Variants in SV2B observed in about 807,000 individuals in gnomAD.
SV2B encodes solute carrier family 22 member B2.
SV2B carries 41 observed loss-of-function variants against 73.9 expected under a neutral mutation model. The observed-to-expected ratio is 0.56, with a 90% CI of 0.43 to 0.72. The LOEUF (loss-of-function observed/expected upper bound fraction) is 0.72, where lower values mean the gene tolerates loss of function less well. Ranked by LOEUF, SV2B falls within the 30% of genes least tolerant of loss-of-function variation. SV2B has a pLI of 0.00. For missense variants in SV2B, 764 were observed against 857.8 expected (o/e 0.89, Z 1.37); for synonymous variants, 314 against 314.2 (o/e 1.00, Z 0.01).
At chr15:91,111,753 C>T (rs565767167) in intron 1 of SV2B, among the ~76,000 whole-genome samples, 1 of 152,222 alleles carries the variant, frequency 6.6e-6, no homozygotes, top group South Asian at 2.1e-4. Flanking sequence ...GCTCATGGTT[C>T]TGCAGGCTAC....
rs1435842436 is a variant in SV2B, at chr15:91,300,137, T to C, written c.*7585T>C. 1 of 152,224 alleles carries C rather than the reference T, an allele frequency of 6.6e-6. No homozygotes were observed. The highest frequency in any genetic ancestry group is 1.5e-5 in the Non-Finnish European group (1 of 68,044). The allele number at this position is 152,224 out of a possible 1,614,324, so 9.4% of individuals were successfully genotyped here. ...TAGAAAGACATTTTAAAGTTTGAAA[T>C]ATGTGCTAAGTAGTTAGAGATTTGG... On this transcript the variant is annotated 3_prime_UTR_variant, in exon 13 of 13. Coordinates refer to ENST00000394232, the MANE Select transcript of SV2B (RefSeq NM_001323032.3).
chr15:91,198,687 A>T (rs139110646), intron 1 of SV2B, among the ~76,000 whole-genome samples: 2 of 152,368 alleles, frequency 1.3e-5, no homozygotes, highest in African/African-American at 4.8e-5. Context: ...GGGGAATGGG[A>T]GGGGTAACCC....
At chr15:91,285,385 G>A (rs1050252329) in intron 11 of SV2B, among the ~76,000 whole-genome samples, 5 of 152,292 alleles carry the variant, frequency 3.3e-5, no homozygotes, top group African/African-American at 7.2e-5. Context: ...TGGCTTACTC[G>A]TCCATAACCC....
rs78956241 is a variant in SV2B, at chr15:91,128,982, T to C, written c.-392+28619T>C. Among the ~76,000 whole-genome samples, 3,102 of 152,348 alleles carry C rather than the reference T, an allele frequency of 0.02. 99 individuals are homozygous for C. Among genetic ancestry groups the C allele is most frequent in the African/African-American group, 0.072 (2,977 of 41,570 alleles). On this transcript the variant is annotated intron_variant, in intron 1 of 12. Transcript: ENST00000394232. This position sits in a 1 kb window ranked among gnomAD's most constrained non-coding sequence, Gnocchi z 4.2. ...AAGGCTCCCGTGGATACACGTCAAA[T>C]AAAGTTGTATGCCTGCCTTCCAATT... is the stretch of plus-strand genomic sequence containing the variant.
At chr15:91,161,474 A>G in intron 1 of SV2B, among the ~76,000 whole-genome samples, 1 of 152,254 alleles carries the variant, frequency 6.6e-6, no homozygotes, top group East Asian at 1.9e-4. Context: ...AAAAGATTTT[A>G]AAATGTAACA....
At chr15:91,157,656 G>A (rs1470593690) in intron 1 of SV2B, among the ~76,000 whole-genome samples, 1 of 152,198 alleles carries the variant, frequency 6.6e-6, no homozygotes, top group African/African-American at 2.4e-5. Flanking sequence ...TAGAGAGGGA[G>A]GGGAGAACTG....
At position 91,289,454 on chromosome 15, in the gene SV2B, TGTGA is replaced by T; in HGVS notation, c.1709-62_1709-59del. The T allele has an allele frequency of 1.9e-6, 3 of 1,604,892 alleles. No individual in the cohort carries two copies. The Admixed American group carries it at 5.0e-5, about 27-fold the overall frequency. On this transcript the variant is annotated intron_variant, in intron 11 of 12. Transcript: ENST00000394232. The surrounding 1 kb of genome is among the most constrained non-coding windows in gnomAD (Gnocchi z 4.9). ...TGAGGGTGGGAGATGGGGCAAGAAC[TGTGA>T]GTGACAGCCATGTGCAAGACACAGG...
intron 1 of SV2B, among the ~76,000 whole-genome samples, chr15:91,135,767 G>A (rs1352359947): frequency 6.6e-6 from 1 of 152,228 alleles, no homozygotes; most frequent in East Asian, 1.9e-4. Flanking sequence ...GCTTTGTGAA[G>A]TTTGGGGTAT....
At chr15:91,201,868 C>G (rs895310790) in intron 1 of SV2B, among the ~76,000 whole-genome samples, 1 of 152,190 alleles carries the variant, frequency 6.6e-6, no homozygotes, top group Non-Finnish European at 1.5e-5. Context: ...CCTATTTGGG[C>G]TCCCTGCCTC....
chr15:91,162,063 A>G (rs1182853897), intron 1 of SV2B, among the ~76,000 whole-genome samples: 1 of 152,204 alleles, frequency 6.6e-6, no homozygotes, highest in Non-Finnish European at 1.5e-5. Context: ...ACAATGAATT[A>G]CCTTTTTTTT....
chr15:91,200,481 C>G (rs1442065322), intron 1 of SV2B, among the ~76,000 whole-genome samples: 2 of 152,108 alleles, frequency 1.3e-5, no homozygotes, highest in Non-Finnish European at 2.9e-5. Context: ...TGAGTGGTGG[C>G]TGTAAAGAGT....
Position 91,252,310 on chromosome 15 carries a change from G to A in SV2B, c.633-59G>A, listed in dbSNP as rs1341755085. On this transcript the variant is annotated intron_variant, in intron 3 of 12. Transcript: ENST00000394232. The surrounding 1 kb of genome is among the most constrained non-coding windows in gnomAD (Gnocchi z 4.6). ...GTGGGGTATAGGCAACTTGGTTTCT[G>A]CTGTGACCATTTTTAGTGTATGACT... 15 of 1,553,948 alleles carry A rather than the reference G, an allele frequency of 9.7e-6. No individual in the cohort carries two copies. The highest frequency in any genetic ancestry group is 1.3e-5 in the Non-Finnish European group (15 of 1,147,850).
intron 1 of SV2B, among the ~76,000 whole-genome samples, chr15:91,154,992 C>T (rs1426956958): frequency 6.6e-6 from 1 of 152,130 alleles, no homozygotes; most frequent in East Asian, 1.9e-4. Context: ...ACTGAGGTCT[C>T]TGCCTTTCTG....
chr15:91,241,247 T>G lies in SV2B; in HGVS notation c.452-10572T>G, dbSNP rs1005141. Reference sequence around the variant, plus strand: ...CTGAGCTTAATGTCCATGTCCATAATCACAGTCACTTTCTGTGCGCATCAC... The same window carrying G: ...CTGAGCTTAATGTCCATGTCCATAAGCACAGTCACTTTCTGTGCGCATCAC... On this transcript the variant is annotated intron_variant, in intron 2 of 12. Coordinates refer to ENST00000394232, the MANE Select transcript of SV2B (RefSeq NM_001323032.3). This position sits in a 1 kb window ranked among gnomAD's most constrained non-coding sequence, Gnocchi z 4.8. Among the ~76,000 whole-genome samples the G allele has an allele frequency of 0.34, 52,339 of 152,052 alleles. 10,662 individuals are homozygous for G. Among genetic ancestry groups the G allele is most frequent in the African/African-American group, 0.58 (23,856 of 41,444 alleles).
At chr15:91,238,869 C>T (rs926121499) in intron 2 of SV2B, among the ~76,000 whole-genome samples, 16 of 152,124 alleles carry the variant, frequency 1.1e-4, no homozygotes, top group African/African-American at 1.7e-4. Flanking sequence ...GCATCCCTTC[C>T]GCCAGCAACC....
chr15:91,278,549 G>C (rs1160872581), intron 9 of SV2B, among the ~76,000 whole-genome samples: 12 of 148,818 alleles, frequency 8.1e-5, no homozygotes, highest in African/African-American at 2.8e-4. Context: ...CGCGGTGGCG[G>C]GTGCCTGTAG....
chr15:91,276,651 GTTTC>G (rs2048498303), intron 9 of SV2B, among the ~76,000 whole-genome samples: 1 of 151,580 alleles, frequency 6.6e-6, no homozygotes, highest in African/African-American at 2.4e-5. Flanking sequence ...CAATTCTAGC[GTTTC>G]TTTCTGAATC....
intron 1 of SV2B, among the ~76,000 whole-genome samples, chr15:91,207,507 G>A (rs11073987): frequency 6.6e-6 from 1 of 151,786 alleles, no homozygotes; most frequent in Non-Finnish European, 1.5e-5. Flanking sequence ...TTTGTTCGCC[G>A]GCATACCAAG....
intron 9 of SV2B, among the ~76,000 whole-genome samples, chr15:91,276,234 A>G (rs574044319): frequency 6.6e-6 from 1 of 151,420 alleles, no homozygotes; most frequent in African/African-American, 2.4e-5. Context: ...TTTATATTTG[A>G]TATTCAGCTA....
Sources: gnomAD v4.1 joint callset for allele counts (sites outside exome capture counted in the v4.1 genomes callset) on GRCh38, gnomAD v4.1.1 for gene constraint, Gnocchi (gnomAD v3.1) non-coding constraint, MANE v1.5 for transcripts, NCBI Gene and HGNC (gene_info 2026-07-23, HGNC 2026-07-21) for gene names.